The following UGT3A2 variants were observed in gnomAD, a reference collection of about 807,000 sequenced individuals.
UGT3A2 encodes UDP-glycosyltransferase 3A2.
A neutral mutation model predicts 39.8 loss-of-function variants in UGT3A2; 32 were observed. The ratio of observed to expected loss-of-function variants is 0.80; its 90% CI spans 0.61 to 1.08. UGT3A2 has a LOEUF of 1.08. UGT3A2 is among the 50% of genes least tolerant of loss of function. The pLI is 0.00. For synonymous variants in UGT3A2, 241 were observed against 230.7 expected (o/e 1.04, Z -0.40); for missense variants, 611 against 637.1 (o/e 0.96, Z 0.44).
chr5:36,062,013 T>C (rs974795490), intron 2 of UGT3A2, among the ~76,000 whole-genome samples: 1 of 151,882 alleles, frequency 6.6e-6, no homozygotes, highest in African/African-American at 2.4e-5. Context: ...CATTTTTTCA[T>C]GTGTTTTTTG....
chr5:36,055,623 G>T (rs963148125), intron 2 of UGT3A2, among the ~76,000 whole-genome samples: 1 of 152,054 alleles, frequency 6.6e-6, no homozygotes, highest in Non-Finnish European at 1.5e-5. Flanking sequence ...TCTGTAATGT[G>T]GACCATTAAA....
chr5:36,039,372 G>T, intron 5 of UGT3A2, 105 bp downstream of exon 5: 1 of 1,148,578 alleles, frequency 8.7e-7, no homozygotes, highest in Non-Finnish European at 1.3e-6. Flanking sequence ...AGCCTTACCT[G>T]TACCATTCAC....
chr5:36,064,042 A>G (rs1470255308), intron 2 of UGT3A2, among the ~76,000 whole-genome samples: 1 of 151,468 alleles, frequency 6.6e-6, no homozygotes, highest in African/African-American at 2.4e-5. Flanking sequence ...AAGTAAGGGG[A>G]AAAAAAAATA....
Position 36,039,706 on chromosome 5 carries a change from G to A in UGT3A2, c.846C>T (p.Asp282=). The change falls in exon 5 of 7, where the codon GAC becomes GAT. Residue 282 remains aspartate (D), a splice_region_variant and synonymous_variant. Transcript: ENST00000282507. ...CAAACTTGGCAATGAAGTTCTCCAA[G>A]TCCTGGAGAAAGATTACCAAGGTAA... ...MEKPIKPVPQ[D]LENFIAKFGD... 2 of 1,614,038 alleles carry A rather than the reference G, an allele frequency of 1.2e-6. No individual in the cohort carries two copies. The highest frequency in any genetic ancestry group is 1.1e-5 in the South Asian group (1 of 91,074).
rs148808619 is a variant in UGT3A2, at chr5:36,037,903, T to C, written c.1189A>G (p.Asn397Asp). Residue 397 changes from asparagine (N) to aspartate (D), a missense_variant, in exon 6 of 7, where the codon AAC (asparagine) becomes GAC (aspartate). By Grantham distance (23) the Asn-to-Asp change is conservative. Coordinates refer to ENST00000282507, the MANE Select transcript of UGT3A2 (RefSeq NM_174914.4). ...GIPLFGDQPE[N>D]MVRVEAKKFG... ...TTTTTGGCTTCTACTCGGACCATGT[T>C]TTCAGGCTGGTCTCCAAAGAGAGGG... 3 of 1,614,022 alleles carry C rather than the reference T, an allele frequency of 1.9e-6. No homozygotes were observed. Among genetic ancestry groups the C allele is most frequent in the African/African-American group, 1.3e-5 (1 of 74,922 alleles).
In UGT3A2 at chr5:36,039,653, A is replaced by G; in HGVS notation, c.899T>C (p.Leu300Ser). 1 of 1,614,234 alleles carries G rather than the reference A, an allele frequency of 6.2e-7. No individual in the cohort carries two copies. The highest frequency in any genetic ancestry group is 8.5e-7 in the Non-Finnish European group (1 of 1,180,046). The change falls in exon 5 of 7, where the codon TTG (leucine) becomes TCG (serine). Residue 300 changes from leucine to serine, a missense_variant. Coordinates refer to ENST00000282507, the MANE Select transcript of UGT3A2 (RefSeq NM_174914.4). The part of the protein sequence containing the change: ...FGDSGFVLVT[L>S]GSMVNTCQNP... ...CTGACAGGTGTTCACCATGGAGCCC[A>G]AGGTCACAAGGACAAAACCAGAGTC... is the stretch of plus-strand genomic sequence containing the variant.
Position 36,035,744 on chromosome 5 carries a change from A to G in UGT3A2, c.1526T>C (p.Met509Thr), listed in dbSNP as rs764786019. The change falls in exon 7 of 7, where the codon ATG becomes ACG. Residue 509 changes from methionine (M) to threonine (T), a missense_variant. Coordinates refer to ENST00000282507, the MANE Select transcript of UGT3A2 (RefSeq NM_174914.4). Reference sequence around the variant, plus strand: ...GGCCCCACGCAGCCACCAGACAGCCATGCCCAGCAGCTTCCCACAAAGCCA... The same window carrying G: ...GGCCCCACGCAGCCACCAGACAGCCGTGCCCAGCAGCTTCCCACAAAGCCA... ...TLWLCGKLLGMAVWWLRGARK... is the reference protein window; with the variant it reads ...TLWLCGKLLGTAVWWLRGARK... 4 of 1,614,174 alleles carry G rather than the reference A, an allele frequency of 2.5e-6. No individual in the cohort carries two copies. The highest frequency in any genetic ancestry group is 3.4e-6 in the Non-Finnish European group (4 of 1,180,028).
At chr5:36,037,699 G>A in intron 6 of UGT3A2, 98 bp downstream of exon 6, 3 of 1,318,484 alleles carry the variant, frequency 2.3e-6, no homozygotes, top group Non-Finnish European at 1.1e-6. Context: ...TTAATCTAAA[G>A]CAAAACAAAA....
intron 2 of UGT3A2, among the ~76,000 whole-genome samples, chr5:36,061,919 T>G (rs1003405039): frequency 9.3e-5 from 14 of 150,418 alleles, no homozygotes; most frequent in Middle Eastern, 3.4e-3. Context: ...CCTGACTTTT[T>G]AATGATTGCC....
At chr5:36,036,967 T>C (rs1027656797) in intron 6 of UGT3A2, among the ~76,000 whole-genome samples, 1 of 152,234 alleles carries the variant, frequency 6.6e-6, no homozygotes, top group Admixed American at 6.5e-5. Flanking sequence ...TTGCTTCACT[T>C]AACTAAAATT....
chr5:36,063,672 T>C (rs1050947453), intron 2 of UGT3A2, among the ~76,000 whole-genome samples: 1 of 152,236 alleles, frequency 6.6e-6, no homozygotes, highest in South Asian at 2.1e-4. Context: ...AGTCTCACTC[T>C]GTTGCCCAGG....
intron 4 of UGT3A2, among the ~76,000 whole-genome samples, chr5:36,045,975 G>C (rs967079419): frequency 2.6e-4 from 40 of 152,074 alleles, no homozygotes; most frequent in African/African-American, 8.7e-4. Context: ...GATCTGAATG[G>C]ACATTTTTCA....
intron 4 of UGT3A2, among the ~76,000 whole-genome samples, chr5:36,044,974 G>GA (rs1383893047): frequency 6.6e-6 from 1 of 151,962 alleles, no homozygotes; most frequent in Non-Finnish European, 1.5e-5. Context: ...ACAGAATGAG[G>GA]AAAAATAATC....
chr5:36,060,171 C>T (rs1292094000), intron 2 of UGT3A2, among the ~76,000 whole-genome samples: 2 of 152,218 alleles, frequency 1.3e-5, no homozygotes, highest in Non-Finnish European at 2.9e-5. Flanking sequence ...TCCTGTGCAT[C>T]TGTAAGATAA....
At chr5:36,047,696 C>A (rs887144222) in intron 4 of UGT3A2, among the ~76,000 whole-genome samples, 1 of 152,078 alleles carries the variant, frequency 6.6e-6, no homozygotes, top group African/African-American at 2.4e-5. Context: ...CCATTACAAC[C>A]CTTACTCCCA....
In UGT3A2 at chr5:36,035,773, A is replaced by C; in HGVS notation, c.1497T>G (p.Thr499=). 1 of 1,614,142 alleles carries C rather than the reference A, an allele frequency of 6.2e-7. No homozygotes were observed. The highest frequency in any genetic ancestry group is 1.7e-5 in the Admixed American group (1 of 60,026). The stretch of plus-strand genomic sequence containing the variant: ...CCAGCAGCTTCCCACAAAGCCATAG[A>C]GTCCCCAGAGTGAGCCCCAGCAGAA... ...FVFLLGLTLG[T]LWLCGKLLGM... Residue 499 remains threonine (T), a synonymous_variant, in exon 7 of 7, where the codon ACT becomes ACG. Transcript: ENST00000282507.
At chr5:36,040,506 G>A (rs1039863580) in intron 4 of UGT3A2, among the ~76,000 whole-genome samples, 3 of 152,204 alleles carry the variant, frequency 2.0e-5, no homozygotes, top group Non-Finnish European at 4.4e-5. Context: ...TTACCATGTG[G>A]TGCAGAGACA....
chr5:36,044,308 T>TA (rs1325044626), intron 4 of UGT3A2, among the ~76,000 whole-genome samples: 1 of 151,908 alleles, frequency 6.6e-6, no homozygotes, highest in African/African-American at 2.4e-5. Context: ...ATAAAAACCC[T>TA]AAAAAAACTG....
intron 2 of UGT3A2, among the ~76,000 whole-genome samples, chr5:36,061,044 C>T (rs1038004879): frequency 6.6e-6 from 1 of 152,116 alleles, no homozygotes; most frequent in African/African-American, 2.4e-5. Context: ...TAATAGCACG[C>T]ACCTGTAGTC....
Sources: allele counts gnomAD v4.1 joint callset (sites outside exome capture counted in the v4.1 genomes callset), GRCh38; gene constraint gnomAD v4.1.1; transcripts MANE v1.5; gene names NCBI Gene and HGNC (gene_info 2026-07-23, HGNC 2026-07-21).